Variants in POTEB3 observed in about 807,000 individuals in gnomAD.
POTEB3 encodes ANKRD26-like family B member 1.
In POTEB3, 5 loss-of-function variants were observed where a neutral mutation model predicts 39.8. That is an observed-to-expected ratio of 0.13 (90% confidence interval 0.07 to 0.26). The LOEUF (loss-of-function observed/expected upper bound fraction) is 0.26. Among genes scored for constraint, POTEB3 ranks in the 10% least tolerant of loss-of-function variants. POTEB3 has a pLI of 1.00. For synonymous variants in POTEB3, 5 were observed against 161.5 expected (o/e 0.03, Z 7.35); for missense variants, 24 against 475.6 (o/e 0.05, Z 8.83).
intron 8 of POTEB3, among the ~76,000 whole-genome samples, chr15:21,420,138 C>G: frequency 1.6e-5 from 1 of 62,132 alleles, no homozygotes; most frequent in East Asian, 3.1e-4. Context: ...TCTCCCACTG[C>G]CTTTGATCGT....
chr15:21,434,075 AAAAAC>A lies in POTEB3; in HGVS notation c.810+581_810+585del, dbSNP rs1470743733. Among the ~76,000 whole-genome samples, 24 of 140,550 alleles carry A rather than the reference AAAAAC, an allele frequency of 1.7e-4. 1 individual carries two copies. The highest frequency in any genetic ancestry group is 3.2e-4 in the Non-Finnish European group (21 of 65,026). The allele number at this position is 140,550 out of a possible 152,430, so 92.2% of individuals were successfully genotyped here. A position where few individuals can be genotyped will look rare whatever the true frequency, so the allele number is the denominator to read the frequency against. Reference sequence around the variant, plus strand: ...CACACACACACACACAAACAAAAACAAAAACAAAAAAAAAACCTCTTCATGGTCTT... The same window carrying A: ...CACACACACACACACAAACAAAAACAAAAAAAAAAACCTCTTCATGGTCTT... On this transcript the variant is annotated intron_variant, in intron 3 of 10. Coordinates refer to ENST00000611217, the MANE Select transcript of POTEB3 (RefSeq NM_207355.5).
intron 6 of POTEB3, among the ~76,000 whole-genome samples, chr15:21,424,533 TGCA>T (rs1898601914): frequency 7.2e-6 from 1 of 138,964 alleles, no homozygotes; most frequent in Non-Finnish European, 1.6e-5. Flanking sequence ...TCTGTTTGGC[TGCA>T]GGCTGCAAGA....
At position 21,407,599 on chromosome 15, in the gene POTEB3, TG is replaced by T. The variant is rs1898242376; in HGVS notation, c.*1383del. On this transcript the variant is annotated 3_prime_UTR_variant, in exon 11 of 11. Coordinates refer to ENST00000611217, the MANE Select transcript of POTEB3 (RefSeq NM_207355.5). ...CCCAAAAGTGCCCTCTAAGCAGGTG[TG>T]GCCTGGCTGGGGTCCTGGGAGAGGC... Among the ~76,000 whole-genome samples, 2 of 86,634 alleles carry T rather than the reference TG, an allele frequency of 2.3e-5. No individual in the cohort carries two copies. The highest frequency in any genetic ancestry group is 4.1e-5 in the Non-Finnish European group (2 of 48,722). The allele number at this position is 86,634 out of a possible 152,430, so 56.8% of individuals were successfully genotyped here.
In POTEB3 at chr15:21,426,220, T is replaced by G. The variant is rs1269904005; in HGVS notation, c.1126+1465A>C. The G allele has an allele frequency of 6.7e-6, 3 of 450,080 alleles. No individual in the cohort carries two copies. In the Admixed American group the frequency reaches 7.2e-5, roughly 11 times the overall value. 27.9% of individuals were successfully genotyped at this position (450,080 alleles called of 1,614,324 possible). ...ACACAAACTTGTTGCATGTTCCTTC[T>G]GCCAAAAATTATTCTTCTGCTTCTT... On this transcript the variant is annotated intron_variant, in intron 6 of 10. Transcript: ENST00000611217.
chr15:21,422,655 A>G (rs2141352175), intron 6 of POTEB3, among the ~76,000 whole-genome samples: 1 of 144,150 alleles, frequency 6.9e-6, no homozygotes, highest in East Asian at 2.1e-4. Flanking sequence ...TGGGCTCCAG[A>G]CATCCCAGAG....
intron 6 of POTEB3, among the ~76,000 whole-genome samples, chr15:21,424,827 A>G (rs1898616339): frequency 6.7e-6 from 1 of 149,954 alleles, no homozygotes; most frequent in African/African-American, 2.5e-5. Context: ...TTATCACTAA[A>G]TCATATTGAC....
At chr15:21,423,231 G>T (rs1414970146) in intron 6 of POTEB3, among the ~76,000 whole-genome samples, 1 of 114,340 alleles carries the variant, frequency 8.7e-6, no homozygotes, top group Non-Finnish European at 1.9e-5. Context: ...CTCCTGAGAA[G>T]CTGTGATTAC....
chr15:21,409,348 T>C (rs1207945266), intron 10 of POTEB3, among the ~76,000 whole-genome samples, 153 bp from the exon 11 acceptor site: 2 of 94,626 alleles, frequency 2.1e-5, no homozygotes, highest in South Asian at 5.2e-4. Context: ...ACTTCAAATC[T>C]AAAAGAGTGT....
Position 21,409,919 on chromosome 15 carries a change from A to G in POTEB3, c.1534-724T>C, listed in dbSNP as rs1249068827. On this transcript the variant is annotated intron_variant, in intron 10 of 10. Transcript: ENST00000611217. ...ACCTGGGAGGCAGAGGTTGCAGTGA[A>G]CTGAGTTTGTGCCATTGCACTCCAG... 5.8e-5 allele frequency among the ~76,000 whole-genome samples: 6 copies of G among 102,746 alleles called. No individual in the cohort carries two copies. The South Asian group carries it at 1.2e-3, about 21-fold the overall frequency. 67.4% of individuals were successfully genotyped at this position (102,746 alleles called of 152,430 possible). A position where few individuals can be genotyped will look rare whatever the true frequency, so the allele number is the denominator to read the frequency against.
intron 3 of POTEB3, among the ~76,000 whole-genome samples, chr15:21,434,127 A>G (rs1899096424): frequency 1.4e-5 from 2 of 142,766 alleles, no homozygotes; most frequent in South Asian, 4.4e-4. Flanking sequence ...CCTAATTTCC[A>G]AGTTGGCCTT....
At chr15:21,421,466 T>C (rs1898497439) in intron 7 of POTEB3, among the ~76,000 whole-genome samples, 1 of 134,180 alleles carries the variant, frequency 7.5e-6, no homozygotes, top group Non-Finnish European at 1.6e-5. Context: ...CTGCAAGATA[T>C]GATTCTTGTA....
At chr15:21,433,689 C>G (rs1248042503) in intron 3 of POTEB3, among the ~76,000 whole-genome samples, 1 of 148,652 alleles carries the variant, frequency 6.7e-6, no homozygotes, top group Non-Finnish European at 1.5e-5. Flanking sequence ...CTAGTAAACT[C>G]AAAATCCAAC....
chr15:21,410,311 A>G (rs183355620), intron 10 of POTEB3, among the ~76,000 whole-genome samples: 6,442 of 88,392 alleles, frequency 0.073, 718 homozygotes, highest in African/African-American at 0.087. Context: ...AATTATCACT[A>G]AATGTGTATC....
chr15:21,432,954 T>TAAAAA (rs60113861), intron 3 of POTEB3, among the ~76,000 whole-genome samples: 2 of 69,554 alleles, frequency 2.9e-5, no homozygotes, highest in Non-Finnish European at 5.6e-5. Context: ...TCATCTCTAC[T>TAAAAA]AAAAAAAAAA....
intron 6 of POTEB3, among the ~76,000 whole-genome samples, chr15:21,422,716 T>TA (rs1898556548): frequency 6.6e-6 from 1 of 150,940 alleles, no homozygotes; most frequent in East Asian, 1.9e-4. Context: ...CCTCAGCATT[T>TA]ATTCATAGCT....
chr15:21,428,571 T>C (rs1359079235), intron 5 of POTEB3, among the ~76,000 whole-genome samples: 1 of 150,782 alleles, frequency 6.6e-6, no homozygotes, highest in East Asian at 1.9e-4. Flanking sequence ...AGATGTTTGT[T>C]AGGATAATGC....
intron 9 of POTEB3, among the ~76,000 whole-genome samples, chr15:21,414,235 T>C (rs1219325447): frequency 1.1e-5 from 1 of 86,970 alleles, no homozygotes; most frequent in Non-Finnish European, 2.1e-5. Context: ...TGTTAGGACT[T>C]GAGCAAAAGC....
At chr15:21,417,874 T>C (rs1162642878) in intron 9 of POTEB3, among the ~76,000 whole-genome samples, 2 of 108,896 alleles carry the variant, frequency 1.8e-5, no homozygotes, top group Non-Finnish European at 3.6e-5. Flanking sequence ...AAAGATACTG[T>C]CACACATGCT....
chr15:21,425,139 C>G (rs1366414047), intron 6 of POTEB3: 1 of 140,994 alleles, frequency 7.1e-6, no homozygotes. Context: ...CTTCCTTTGT[C>G]TCCTGGTTTC....
Sources: allele counts gnomAD v4.1 joint callset (sites outside exome capture counted in the v4.1 genomes callset), GRCh38; gene constraint gnomAD v4.1.1; transcripts MANE v1.5; gene names NCBI Gene and HGNC (gene_info 2026-07-23, HGNC 2026-07-21).